STK32B: variants seen among roughly 807,000 people sequenced by gnomAD.
The protein encoded by STK32B is serine/threonine kinase 32B, also known as serine/threonine-protein kinase 32B.
A neutral mutation model predicts 52.6 loss-of-function variants in STK32B; 43 were observed. The ratio of observed to expected loss-of-function variants is 0.82; its 90% CI spans 0.64 to 1.05. The LOEUF is 1.05. Ranked by LOEUF, STK32B falls within the 50% of genes least tolerant of loss-of-function variation. The probability of loss-of-function intolerance (pLI) is 0.00; values close to 1 mark genes in which losing one functional copy is unlikely to be tolerated. For missense variants in STK32B, 621 were observed against 534.6 expected, an observed-to-expected ratio of 1.16 and a Z score of -1.59; for synonymous variants, 238 against 204.3, an observed-to-expected ratio of 1.17 and a Z score of -1.41.
At chr4:5,142,574 T>A (rs1033963442) in intron 2 of STK32B, among the ~76,000 whole-genome samples, 5 of 152,206 alleles carry the variant, frequency 3.3e-5, no homozygotes, top group Admixed American at 3.3e-4. Context: ...ATTGGGTCAC[T>A]GGATAATTTA....
At chr4:5,437,005 C>A (rs943720361) in intron 6 of STK32B, among the ~76,000 whole-genome samples, 1 of 152,196 alleles carries the variant, frequency 6.6e-6, no homozygotes, top group Non-Finnish European at 1.5e-5. Context: ...TTATTAAGTG[C>A]CTTCTGTATA....
At chr4:5,226,544 G>A (rs1390033626) in intron 3 of STK32B, among the ~76,000 whole-genome samples, 1 of 152,128 alleles carries the variant, frequency 6.6e-6, no homozygotes, top group East Asian at 1.9e-4. Context: ...TTATCCCTTT[G>A]TCCACCGTAT....
At chr4:5,103,668 C>T (rs1208185568) in intron 1 of STK32B, among the ~76,000 whole-genome samples, 3 of 152,060 alleles carry the variant, frequency 2.0e-5, no homozygotes, top group Non-Finnish European at 4.4e-5. Flanking sequence ...ACGGAGTTTG[C>T]CCATCTTGGG....
Position 5,386,922 on chromosome 4 carries a change from G to A in STK32B, c.435-11285G>A, listed in dbSNP as rs533315152. Among the ~76,000 whole-genome samples, 60 of 152,270 alleles carry A rather than the reference G, an allele frequency of 3.9e-4. No individual in the cohort carries two copies. Among genetic ancestry groups the A allele is most frequent in the Middle Eastern group, 6.8e-3 (2 of 294 alleles). ...AGGAACATGAGGCCGTGGCCTGAGCGTCTTCACAGAAATAGGAAGCTCTCG... is the reference window on the plus strand; with the variant it reads ...AGGAACATGAGGCCGTGGCCTGAGCATCTTCACAGAAATAGGAAGCTCTCG... On this transcript the variant is annotated intron_variant, in intron 4 of 11. Coordinates refer to ENST00000282908, the MANE Select transcript of STK32B (RefSeq NM_018401.3). This position sits in a 1 kb window ranked among gnomAD's most constrained non-coding sequence, Gnocchi z 4.5.
At chr4:5,340,700 T>C (rs974688030) in intron 4 of STK32B, among the ~76,000 whole-genome samples, 8 of 152,216 alleles carry the variant, frequency 5.3e-5, no homozygotes, top group African/African-American at 2.4e-5. Flanking sequence ...ATCAAGTTTA[T>C]TAAACAATGA....
rs1380767697 is a variant in STK32B, at chr4:5,380,613, A to C, written c.435-17594A>C. On this transcript the variant is annotated intron_variant, in intron 4 of 11. Transcript: ENST00000282908. This position sits in a 1 kb window ranked among gnomAD's most constrained non-coding sequence, Gnocchi z 4.3. ...GGGACTGAGTACCCATGACACGCAGATGCCTTTACCAGGGTGGCTGGTGGC... is the reference window on the plus strand; with the variant it reads ...GGGACTGAGTACCCATGACACGCAGCTGCCTTTACCAGGGTGGCTGGTGGC... Among the ~76,000 whole-genome samples, 8 of 152,212 alleles carry C rather than the reference A, an allele frequency of 5.3e-5. No individual in the cohort carries two copies. The highest frequency in any genetic ancestry group is 1.5e-5 in the Non-Finnish European group (1 of 68,042).
At chr4:5,250,557 C>A (rs370377116) in intron 3 of STK32B, among the ~76,000 whole-genome samples, 1 of 152,130 alleles carries the variant, frequency 6.6e-6, no homozygotes, top group Admixed American at 6.5e-5. Flanking sequence ...AAGTGATCCA[C>A]CCGCCTCGGC....
At chr4:5,256,384 G>C (rs1467140251) in intron 3 of STK32B, among the ~76,000 whole-genome samples, 1 of 152,202 alleles carries the variant, frequency 6.6e-6, no homozygotes, top group East Asian at 1.9e-4. Flanking sequence ...GGTCATCTAA[G>C]GAAGTTTTGG....
chr4:5,028,626 T>C, the STK32B span, among the ~76,000 whole-genome samples: 1 of 152,194 alleles, frequency 6.6e-6, no homozygotes, highest in African/African-American at 2.4e-5. Context: ...TGAAAAGCAA[T>C]TCATGTGGTT....
At chr4:5,102,998 A>C (rs895220428) in intron 1 of STK32B, among the ~76,000 whole-genome samples, 5 of 142,204 alleles carry the variant, frequency 3.5e-5, no homozygotes, top group African/African-American at 1.3e-4. Context: ...ACCAGCATCC[A>C]TGTACTGGCT....
chr4:5,374,623 G>A (rs1188335626), intron 4 of STK32B, among the ~76,000 whole-genome samples: 1 of 152,182 alleles, frequency 6.6e-6, no homozygotes, highest in African/African-American at 2.4e-5. Flanking sequence ...TCCTTAAGTG[G>A]TAGAAAGGGC....
At chr4:5,260,403 CAGCT>C (rs1379055511) in intron 3 of STK32B, among the ~76,000 whole-genome samples, 1 of 152,122 alleles carries the variant, frequency 6.6e-6, no homozygotes, top group African/African-American at 2.4e-5. Flanking sequence ...GGGCAGCAGA[CAGCT>C]AAACAGGAGA....
At chr4:5,172,287 G>A (rs1283472651) in intron 3 of STK32B, among the ~76,000 whole-genome samples, 1 of 152,084 alleles carries the variant, frequency 6.6e-6, no homozygotes, top group Non-Finnish European at 1.5e-5. Context: ...TTTCCTAATT[G>A]AATACCCTTT....
chr4:5,259,820 G>A (rs1389733009), intron 3 of STK32B, among the ~76,000 whole-genome samples: 2 of 152,050 alleles, frequency 1.3e-5, no homozygotes, highest in Non-Finnish European at 2.9e-5. Context: ...AATAATAAGG[G>A]GTATATTTAG....
intron 4 of STK32B, among the ~76,000 whole-genome samples, chr4:5,355,906 A>T (rs1444656110): frequency 6.6e-6 from 1 of 152,158 alleles, no homozygotes; most frequent in Admixed American, 6.5e-5. Context: ...CTTGATGAAG[A>T]CATTTCTAGG....
chr4:5,404,281 C>T (rs912097269), intron 5 of STK32B, among the ~76,000 whole-genome samples: 1 of 152,114 alleles, frequency 6.6e-6, no homozygotes, highest in Non-Finnish European at 1.5e-5. Flanking sequence ...CTCCAGGGCC[C>T]TCTTCCAGCT....
intron 3 of STK32B, among the ~76,000 whole-genome samples, chr4:5,244,308 G>A (rs1422160143): frequency 6.6e-6 from 1 of 152,006 alleles, no homozygotes; most frequent in African/African-American, 2.4e-5. Flanking sequence ...GTCTTGGGAG[G>A]GTGTATGTGT....
At chr4:5,131,427 A>G (rs1392672703) in intron 1 of STK32B, among the ~76,000 whole-genome samples, 1 of 152,228 alleles carries the variant, frequency 6.6e-6, no homozygotes, top group Non-Finnish European at 1.5e-5. Context: ...AAACAGCTTA[A>G]ACAAACATCA....
intron 1 of STK32B, among the ~76,000 whole-genome samples, chr4:5,131,878 CTG>C (rs1308106039): frequency 6.6e-6 from 1 of 152,188 alleles, no homozygotes; most frequent in Non-Finnish European, 1.5e-5. Flanking sequence ...TCAAATATAA[CTG>C]TGTCTTAAAT....
Sources: gnomAD v4.1 joint callset for allele counts (sites outside exome capture counted in the v4.1 genomes callset) on GRCh38, gnomAD v4.1.1 for gene constraint, Gnocchi (gnomAD v3.1) non-coding constraint, MANE v1.5 for transcripts, NCBI Gene and HGNC (gene_info 2026-07-23, HGNC 2026-07-21) for gene names.